GRID1: variants seen among roughly 807,000 people sequenced by gnomAD.
GRID1 encodes the protein glutamate ionotropic receptor delta type subunit 1, also known as glutamate receptor ionotropic, delta-1.
GRID1 carries 28 observed loss-of-function variants against 98.0 expected under a neutral mutation model. That is an observed-to-expected ratio of 0.29 (90% CI 0.21 to 0.39). The LOEUF (loss-of-function observed/expected upper bound fraction) is 0.39, where lower values mean the gene tolerates loss of function less well. Ranked by LOEUF, GRID1 falls within the 10% of genes least tolerant of loss-of-function variation. The pLI, the probability that GRID1 is intolerant of heterozygous loss-of-function variation, is 1.00. For missense variants in GRID1, 1,111 were observed against 1,340.5 expected (o/e 0.83, Z 2.67); for synonymous variants, 553 against 538.5 (o/e 1.03, Z -0.37).
At chr10:85,790,620 C>A (rs1842469626) in intron 8 of GRID1, among the ~76,000 whole-genome samples, 1 of 152,136 alleles carries the variant, frequency 6.6e-6, no homozygotes, top group South Asian at 2.1e-4. Flanking sequence ...TGGGGCAGGC[C>A]CTGTCCTGAG....
At chr10:86,168,304 A>C (rs1316719638) in intron 3 of GRID1, among the ~76,000 whole-genome samples, 1 of 152,240 alleles carries the variant, frequency 6.6e-6, no homozygotes, top group Non-Finnish European at 1.5e-5. Flanking sequence ...AAATAGGCAC[A>C]CAATCTCACC....
At chr10:86,027,709 G>A (rs2131890762) in intron 4 of GRID1, among the ~76,000 whole-genome samples, 1 of 152,334 alleles carries the variant, frequency 6.6e-6, no homozygotes, top group Middle Eastern at 3.4e-3. Context: ...AAAAGCCACA[G>A]CTGACGGCTT....
intron 12 of GRID1, among the ~76,000 whole-genome samples, chr10:85,713,069 C>T (rs896951306): frequency 3.2e-4 from 48 of 151,094 alleles, no homozygotes; most frequent in African/African-American, 1.0e-3. Context: ...AAGATCGGGG[C>T]AGAAATAAAT....
chr10:86,146,355 T>G (rs1401477381), intron 3 of GRID1, among the ~76,000 whole-genome samples: 1 of 152,170 alleles, frequency 6.6e-6, no homozygotes, highest in Non-Finnish European at 1.5e-5. Context: ...CAGATGTACT[T>G]TACCCATAAT....
At chr10:86,349,675 C>G (rs2132115631) in intron 2 of GRID1, among the ~76,000 whole-genome samples, 1 of 152,332 alleles carries the variant, frequency 6.6e-6, no homozygotes, top group Non-Finnish European at 1.5e-5. Flanking sequence ...GACAGGGCTG[C>G]TATACATGCA....
intron 4 of GRID1, among the ~76,000 whole-genome samples, chr10:86,021,848 A>C (rs1466235967): frequency 6.6e-6 from 1 of 152,186 alleles, no homozygotes; most frequent in Non-Finnish European, 1.5e-5. Flanking sequence ...AGATTTGGAG[A>C]GCTTCACCCT....
chr10:85,707,775 C>A lies in GRID1; in HGVS notation c.1997+15228G>T, dbSNP rs1293606097. On this transcript the variant is annotated intron_variant, in intron 12 of 15. Transcript: ENST00000327946. The stretch of plus-strand genomic sequence containing the variant: ...TGGCACATATACACCATGGAATACT[C>A]TGCAGCCATAAAAAATGATGAGTTC... Among the ~76,000 whole-genome samples, 9 of 152,222 alleles carry A rather than the reference C, an allele frequency of 5.9e-5. No homozygotes were observed. The East Asian group carries it at 9.7e-4, about 16-fold the overall frequency.
intron 2 of GRID1, among the ~76,000 whole-genome samples, chr10:86,273,063 T>TC (rs1280927954): frequency 2.2e-5 from 3 of 139,292 alleles, no homozygotes; most frequent in African/African-American, 5.3e-5. Flanking sequence ...CCCTCCCCAC[T>TC]CCCCCCACCC....
chr10:85,685,594 A>G (rs1313606347), intron 12 of GRID1, among the ~76,000 whole-genome samples: 1 of 152,204 alleles, frequency 6.6e-6, no homozygotes, highest in African/African-American at 2.4e-5. Flanking sequence ...AGAGTAACCA[A>G]AATACTCTTA....
intron 12 of GRID1, among the ~76,000 whole-genome samples, chr10:85,662,860 C>T (rs1332056953): frequency 2.0e-5 from 3 of 152,186 alleles, no homozygotes; most frequent in Admixed American, 2.0e-4. Flanking sequence ...GAAGGGACCC[C>T]TCCAGATCTG....
chr10:85,775,571 A>G (rs1842322912), intron 8 of GRID1, among the ~76,000 whole-genome samples: 1 of 152,176 alleles, frequency 6.6e-6, no homozygotes, highest in Admixed American at 6.5e-5. Context: ...GTGTTGCAGA[A>G]CTAACTATTG....
chr10:85,913,423 CA>C (rs1394934722), intron 5 of GRID1, among the ~76,000 whole-genome samples: 1 of 152,236 alleles, frequency 6.6e-6, no homozygotes, highest in Non-Finnish European at 1.5e-5. Flanking sequence ...ACAACCGCCA[CA>C]CAGGGCTGTT....
intron 8 of GRID1, among the ~76,000 whole-genome samples, chr10:85,814,349 T>C (rs949047556): frequency 2.6e-5 from 4 of 151,710 alleles, no homozygotes; most frequent in Non-Finnish European, 5.9e-5. Context: ...AATAAAGATA[T>C]AAAATAAATA....
intron 4 of GRID1, among the ~76,000 whole-genome samples, chr10:86,050,365 A>G (rs922769260): frequency 6.6e-6 from 1 of 152,224 alleles, no homozygotes; most frequent in African/African-American, 2.4e-5. Flanking sequence ...CACATTTTAA[A>G]CATTTATTTA....
At chr10:86,164,346 C>T (rs922475493) in intron 3 of GRID1, among the ~76,000 whole-genome samples, 3 of 152,088 alleles carry the variant, frequency 2.0e-5, no homozygotes, top group Admixed American at 2.0e-4. Flanking sequence ...GTGGCCCACC[C>T]CCAGCAGCAC....
intron 12 of GRID1, among the ~76,000 whole-genome samples, chr10:85,659,603 C>A (rs1172270144): frequency 6.6e-6 from 1 of 152,188 alleles, no homozygotes; most frequent in East Asian, 1.9e-4. Flanking sequence ...AATGCAAAAC[C>A]AGCTGTAATT....
intron 3 of GRID1, among the ~76,000 whole-genome samples, chr10:86,148,581 T>C (rs2131978670): frequency 6.6e-6 from 1 of 152,284 alleles, no homozygotes; most frequent in Non-Finnish European, 1.5e-5. Context: ...ATATATTGCA[T>C]ATTCGAAAAT....
chr10:85,860,805 C>T (rs1843157359), intron 6 of GRID1, among the ~76,000 whole-genome samples: 1 of 152,134 alleles, frequency 6.6e-6, no homozygotes, highest in Admixed American at 6.5e-5. Context: ...CACTAGCATC[C>T]ATTTGCTGAG....
chr10:86,191,001 GAGAA>G (rs1845794785), intron 3 of GRID1, among the ~76,000 whole-genome samples: 1 of 152,202 alleles, frequency 6.6e-6, no homozygotes, highest in Admixed American at 6.5e-5. Context: ...TTGTGTGTGT[GAGAA>G]AGAGAGCTCC....
Sources: gnomAD v4.1 joint callset for allele counts (sites outside exome capture counted in the v4.1 genomes callset) on GRCh38, gnomAD v4.1.1 for gene constraint, MANE v1.5 for transcripts, NCBI Gene and HGNC (gene_info 2026-07-23, HGNC 2026-07-21) for gene names.